The following RAB2A variants were observed in gnomAD, a reference collection of about 807,000 sequenced individuals.
RAB2A encodes the protein RAB2A, member RAS oncogene family.
RAB2A carries 7 observed loss-of-function variants against 32.5 expected under a neutral mutation model. That is an observed-to-expected ratio of 0.22 (90% CI 0.12 to 0.40). The LOEUF (loss-of-function observed/expected upper bound fraction) is 0.40, where lower values mean the gene tolerates loss of function less well. Ranked by LOEUF, RAB2A falls within the 10% of genes least tolerant of loss-of-function variation. The pLI is 1.00. For synonymous variants in RAB2A, 79 were observed against 85.2 expected (o/e 0.93, Z 0.40); for missense variants, 108 against 260.7 (o/e 0.41, Z 4.03).
At chr8:60,598,814 A>G (rs1804075838) in intron 6 of RAB2A, among the ~76,000 whole-genome samples, 1 of 151,864 alleles carries the variant, frequency 6.6e-6, no homozygotes, top group African/African-American at 2.4e-5. Flanking sequence ...AAAACCCACA[A>G]CTAATGTTAT....
intron 2 of RAB2A, chr8:60,559,165 A>G (rs1198163116): frequency 2.6e-6 from 1 of 379,616 alleles, no homozygotes; most frequent in Admixed American, 4.3e-5. Context: ...TTTCAATTGT[A>G]ATTAGCGATG....
At chr8:60,609,278 TC>T (rs1180726216) in intron 6 of RAB2A, among the ~76,000 whole-genome samples, 3 of 152,210 alleles carry the variant, frequency 2.0e-5, no homozygotes, top group African/African-American at 7.2e-5. Flanking sequence ...TTAAGTCTGA[TC>T]CCTCCTCTGG....
chr8:60,521,966 A>T (rs1241627196), intron 1 of RAB2A, among the ~76,000 whole-genome samples: 1 of 152,204 alleles, frequency 6.6e-6, no homozygotes, highest in African/African-American at 2.4e-5. Context: ...ATTGGTTCAC[A>T]TGCAAAACCA....
At chr8:60,525,199 G>A (rs1413674145) in intron 1 of RAB2A, among the ~76,000 whole-genome samples, 2 of 152,148 alleles carry the variant, frequency 1.3e-5, no homozygotes, top group Admixed American at 1.3e-4. Context: ...GGATCCCATG[G>A]AAGGTGATTG....
At chr8:60,599,061 A>C (rs1175454892) in intron 6 of RAB2A, among the ~76,000 whole-genome samples, 1 of 151,730 alleles carries the variant, frequency 6.6e-6, no homozygotes, top group Non-Finnish European at 1.5e-5. Flanking sequence ...GATTTGCAAC[A>C]AAAAAAAGTG....
chr8:60,549,245 G>C (rs956467053), intron 1 of RAB2A, among the ~76,000 whole-genome samples: 2 of 152,176 alleles, frequency 1.3e-5, no homozygotes, highest in Non-Finnish European at 2.9e-5. Flanking sequence ...GGTGGCGGCC[G>C]GGCAGAGGCT....
intron 3 of RAB2A, among the ~76,000 whole-genome samples, chr8:60,580,915 G>T (rs905769511): frequency 4.6e-5 from 7 of 152,120 alleles, no homozygotes; most frequent in South Asian, 2.1e-4. Flanking sequence ...TGGAGAGATT[G>T]GTTTAAAGGA....
intron 3 of RAB2A, among the ~76,000 whole-genome samples, chr8:60,583,047 A>C: frequency 7.2e-6 from 1 of 138,546 alleles, no homozygotes. Context: ...GGGGTGGGGG[A>C]TGGGGGAGGG....
intron 1 of RAB2A, among the ~76,000 whole-genome samples, chr8:60,550,076 TCTA>T (rs1807822374): frequency 6.6e-6 from 1 of 152,188 alleles, no homozygotes; most frequent in South Asian, 2.1e-4. Context: ...TATTCACTTG[TCTA>T]CTCAGCTTTG....
intron 7 of RAB2A, among the ~76,000 whole-genome samples, chr8:60,620,364 G>C (rs996739091): frequency 2.0e-5 from 3 of 152,206 alleles, no homozygotes; most frequent in African/African-American, 7.2e-5. Flanking sequence ...ATGCTTTAAA[G>C]ATTACTTGCA....
chr8:60,572,243 T>TCC (rs1808207604), intron 3 of RAB2A, 130 bp downstream of exon 3: 3 of 617,766 alleles, frequency 4.9e-6, no homozygotes, highest in Non-Finnish European at 8.2e-6. Context: ...AGCCATGAGA[T>TCC]GAAATGTGGT....
intron 2 of RAB2A, 43 bp from the exon 3 acceptor site, chr8:60,572,003 A>G (rs1196075774): frequency 7.2e-7 from 1 of 1,387,024 alleles, no homozygotes; most frequent in South Asian, 1.2e-5. Context: ...AGTGAGATAT[A>G]TTCCCACTAA....
chr8:60,557,941 AT>A (rs535642878), intron 1 of RAB2A, among the ~76,000 whole-genome samples: 110 of 152,246 alleles, frequency 7.2e-4, no homozygotes, highest in South Asian at 1.5e-3. Flanking sequence ...CATATACAGT[AT>A]ATTATTTCAG....
intron 1 of RAB2A, among the ~76,000 whole-genome samples, chr8:60,542,700 T>C (rs962269497): frequency 1.3e-5 from 2 of 152,206 alleles, no homozygotes; most frequent in South Asian, 2.1e-4. Flanking sequence ...GAAACAGAAA[T>C]AGTAGTAGAT....
At chr8:60,606,074 G>A (rs753622958) in intron 6 of RAB2A, among the ~76,000 whole-genome samples, 2 of 152,180 alleles carry the variant, frequency 1.3e-5, no homozygotes, top group Non-Finnish European at 2.9e-5. Flanking sequence ...ACTTGAATCA[G>A]GGAGGCGGAA....
At chr8:60,528,769 C>T (rs1170884477) in intron 1 of RAB2A, among the ~76,000 whole-genome samples, 1 of 152,152 alleles carries the variant, frequency 6.6e-6, no homozygotes, top group Non-Finnish European at 1.5e-5. Flanking sequence ...GATGAGGTCT[C>T]ACTATGTTGC....
intron 6 of RAB2A, among the ~76,000 whole-genome samples, chr8:60,604,347 G>A (rs923420507): frequency 6.6e-6 from 1 of 152,118 alleles, no homozygotes; most frequent in Non-Finnish European, 1.5e-5. Context: ...AACAGCGGGA[G>A]AAAGGACTGA....
At chr8:60,544,514 T>C (rs1403863785) in intron 1 of RAB2A, among the ~76,000 whole-genome samples, 1 of 151,688 alleles carries the variant, frequency 6.6e-6, no homozygotes, top group Non-Finnish European at 1.5e-5. Context: ...CTCATGACAT[T>C]CCTCTGAAGT....
chr8:60,586,517 A>T (rs750147217), intron 5 of RAB2A, among the ~76,000 whole-genome samples: 4 of 151,852 alleles, frequency 2.6e-5, no homozygotes, highest in Non-Finnish European at 4.4e-5. Context: ...CACTATAGAT[A>T]AAAAAAAGAG....
Sources: gnomAD v4.1 joint callset for allele counts (sites outside exome capture counted in the v4.1 genomes callset) on GRCh38, gnomAD v4.1.1 for gene constraint, MANE v1.5 for transcripts, NCBI Gene and HGNC (gene_info 2026-07-23, HGNC 2026-07-21) for gene names.